The following XIRP2 variants were observed in gnomAD, a reference collection of about 807,000 sequenced individuals.
XIRP2 encodes xin actin binding repeat containing 2.
A neutral mutation model predicts 277.0 loss-of-function variants in XIRP2; 236 were observed. The ratio of observed to expected loss-of-function variants is 0.85; its 90% CI spans 0.77 to 0.95. XIRP2 has a LOEUF of 0.95. Among genes scored for constraint, XIRP2 ranks in the 40% least tolerant of loss-of-function variants. The pLI, the probability that XIRP2 is intolerant of heterozygous loss-of-function variation, is 0.00. For synonymous variants in XIRP2, 1,490 were observed against 1,416.5 expected, an observed-to-expected ratio of 1.05 and a Z score of -1.17; for missense variants, 4,640 against 4,157.5, an observed-to-expected ratio of 1.12 and a Z score of -3.19.
At chr2:166,957,108 T>G (rs1686182040) in intron 2 of XIRP2, among the ~76,000 whole-genome samples, 1 of 151,776 alleles carries the variant, frequency 6.6e-6, no homozygotes, top group Non-Finnish European at 1.5e-5. Context: ...AGAATTCATT[T>G]TCATTTTGTT....
At chr2:167,176,133 G>C (rs1445913116) in intron 3 of XIRP2, among the ~76,000 whole-genome samples, 1 of 152,152 alleles carries the variant, frequency 6.6e-6, no homozygotes, top group East Asian at 1.9e-4. Context: ...GAACGGTTCT[G>C]TCTCGTTGGC....
chr2:166,893,280 CA>C (rs1684156437), intron 1 of XIRP2, among the ~76,000 whole-genome samples: 2 of 151,648 alleles, frequency 1.3e-5, no homozygotes, highest in South Asian at 4.2e-4. Flanking sequence ...CAGTTTAAAC[CA>C]ATGCTGATAA....
At chr2:167,029,486 C>T (rs1688267054) in intron 2 of XIRP2, among the ~76,000 whole-genome samples, 1 of 152,068 alleles carries the variant, frequency 6.6e-6, no homozygotes, top group Non-Finnish European at 1.5e-5. Context: ...GCCATTGGTT[C>T]TGTTTATGTG....
intron 1 of XIRP2, among the ~76,000 whole-genome samples, chr2:166,890,143 G>A (rs983040975): frequency 8.6e-5 from 13 of 151,752 alleles, no homozygotes; most frequent in African/African-American, 1.9e-4. Flanking sequence ...TTACAGGCAC[G>A]TGCCACCATG....
chr2:167,249,890 A>G lies in XIRP2; in HGVS notation c.8498A>G (p.Glu2833Gly). 1.2e-6 allele frequency: 2 copies of G among 1,613,574 alleles called. No individual in the cohort carries two copies. The highest frequency in any genetic ancestry group is 1.7e-6 in the Non-Finnish European group (2 of 1,179,734). Residue 2833 changes from glutamate (E) to glycine (G), a missense_variant, in exon 9 of 11, where the codon GAG (glutamate) becomes GGG (glycine). Coordinates refer to ENST00000409195, the MANE Select transcript of XIRP2 (RefSeq NM_152381.6). ...CCATCAATGATTGGTCGAAAAGAAG[A>G]GAGATTAATAACTGAAAGAAAACAC... ...QGPSMIGRKE[E>G]RLITERKHEH...
intron 2 of XIRP2, among the ~76,000 whole-genome samples, chr2:167,121,994 A>C (rs1691069804): frequency 6.6e-6 from 1 of 152,146 alleles, no homozygotes; most frequent in African/African-American, 2.4e-5. Flanking sequence ...CACATGGGAG[A>C]ACCTCAGTGA....
intron 3 of XIRP2, among the ~76,000 whole-genome samples, chr2:167,161,377 G>T (rs1363879712): frequency 6.6e-6 from 1 of 152,216 alleles, no homozygotes; most frequent in Non-Finnish European, 1.5e-5. Flanking sequence ...CCGCATGAGA[G>T]CACTGCCCCT....
At chr2:167,235,660 T>C (rs1694881444) in intron 5 of XIRP2, among the ~76,000 whole-genome samples, 1 of 151,860 alleles carries the variant, frequency 6.6e-6, no homozygotes, top group East Asian at 1.9e-4. Flanking sequence ...AAAGCAAGAA[T>C]AGTGCACCCT....
intron 2 of XIRP2, among the ~76,000 whole-genome samples, chr2:167,090,967 C>T (rs935895326): frequency 2.6e-5 from 4 of 152,024 alleles, no homozygotes; most frequent in Admixed American, 6.5e-5. Flanking sequence ...ATTCAAAGCA[C>T]AACAATATCT....
chr2:166,963,799 C>G (rs1686359044), intron 2 of XIRP2, among the ~76,000 whole-genome samples: 2 of 151,754 alleles, frequency 1.3e-5, no homozygotes, highest in Admixed American at 6.6e-5. Flanking sequence ...TTGAAATTTA[C>G]TGTAAGAATT....
Position 166,902,511 on chromosome 2 carries a change from A to G in XIRP2, c.-18-954A>G, listed in dbSNP as rs142477591. Among the ~76,000 whole-genome samples, 17 of 152,156 alleles carry G rather than the reference A, an allele frequency of 1.1e-4. No individual in the cohort carries two copies. The East Asian group carries it at 2.9e-3, about 26-fold the overall frequency. On this transcript the variant is annotated intron_variant, in intron 1 of 10. Transcript: ENST00000409195. ...CAGGAAAATGCCTGATCCTTCAAAA[A>G]CAAAATTTATTTTGGGTTAGAACAG...
At chr2:167,190,156 T>C (rs1406040993) in intron 3 of XIRP2, among the ~76,000 whole-genome samples, 2 of 152,204 alleles carry the variant, frequency 1.3e-5, no homozygotes, top group Non-Finnish European at 1.5e-5. Flanking sequence ...CACTTGGATG[T>C]GTTCACCAGT....
At chr2:167,005,481 C>A (rs1401153925) in intron 2 of XIRP2, among the ~76,000 whole-genome samples, 1 of 151,622 alleles carries the variant, frequency 6.6e-6, no homozygotes, top group African/African-American at 2.4e-5. Context: ...TCAGTGGGTG[C>A]TGAAAATGTT....
intron 2 of XIRP2, among the ~76,000 whole-genome samples, chr2:167,110,532 C>T (rs1690723906): frequency 1.3e-5 from 2 of 152,092 alleles, no homozygotes; most frequent in Admixed American, 6.6e-5. Context: ...GTCTATGTGT[C>T]TGTCTGTTTT....
At chr2:167,201,262 G>GAAAGAAAGAA (rs1186847570) in intron 3 of XIRP2, among the ~76,000 whole-genome samples, 2 of 95,650 alleles carry the variant, frequency 2.1e-5, no homozygotes, top group Admixed American at 1.0e-4. Context: ...AAGAAAGAAA[G>GAAAGAAAGAA]AGAGAGGGAG....
chr2:166,929,561 G>A (rs1685274036), intron 2 of XIRP2, among the ~76,000 whole-genome samples: 1 of 152,052 alleles, frequency 6.6e-6, no homozygotes, highest in Non-Finnish European at 1.5e-5. Context: ...GTAGTTATCG[G>A]ACTATAGTGA....
At chr2:167,158,570 T>C (rs1483943278) in intron 3 of XIRP2, among the ~76,000 whole-genome samples, 1 of 152,178 alleles carries the variant, frequency 6.6e-6, no homozygotes, top group East Asian at 1.9e-4. Context: ...CCATGTAACT[T>C]ACATTTCTAC....
chr2:167,122,560 G>T (rs909941491), intron 2 of XIRP2, among the ~76,000 whole-genome samples: 2 of 152,056 alleles, frequency 1.3e-5, no homozygotes, highest in African/African-American at 2.4e-5. Context: ...CAGGCAATCT[G>T]GCCTCTCTGA....
At chr2:166,995,931 A>G (rs1687209732) in intron 2 of XIRP2, among the ~76,000 whole-genome samples, 1 of 152,086 alleles carries the variant, frequency 6.6e-6, no homozygotes, top group Non-Finnish European at 1.5e-5. Context: ...CATTTGAATC[A>G]TCCTTTACTT....
Sources: gnomAD v4.1 joint callset for allele counts (sites outside exome capture counted in the v4.1 genomes callset) on GRCh38, gnomAD v4.1.1 for gene constraint, MANE v1.5 for transcripts, NCBI Gene and HGNC (gene_info 2026-07-23, HGNC 2026-07-21) for gene names.